SLF1: variants seen among roughly 807,000 people sequenced by gnomAD.
The protein encoded by SLF1 is SMC5/6 complex localization factor 1, also known as SMC5-SMC6 complex localization factor protein 1.
A neutral mutation model predicts 123.0 loss-of-function variants in SLF1; 105 were observed. The ratio of observed to expected loss-of-function variants is 0.85; its 90% CI spans 0.73 to 1.00. SLF1 has a LOEUF of 1.00. SLF1 is among the 50% of genes least tolerant of loss of function. SLF1 has a pLI of 0.00. For synonymous variants in SLF1, 434 were observed against 406.6 expected (o/e 1.07, Z -0.81); for missense variants, 1,239 against 1,223.0 (o/e 1.01, Z -0.20).
chr5:94,635,361 T>G (rs1745648665), intron 4 of SLF1, among the ~76,000 whole-genome samples: 1 of 138,848 alleles, frequency 7.2e-6, no homozygotes, highest in Non-Finnish European at 1.6e-5. Flanking sequence ...TTTTTTTTTT[T>G]GCTTTTTCAA....
chr5:94,689,628 ATTTATGCTAAGAACT>A (rs1752849602), intron 18 of SLF1, 22 bp downstream of exon 18: 1 of 1,589,120 alleles, frequency 6.3e-7, no homozygotes, highest in East Asian at 2.2e-5. Context: ...ATTTAAATTA[ATTTATGCTAAGAACT>A]TTTCATGGTT....
At chr5:94,643,189 T>G (rs1436012091) in intron 4 of SLF1, 84 bp from the exon 5 acceptor site, 10 of 1,117,800 alleles carry the variant, frequency 8.9e-6, no homozygotes, top group Non-Finnish European at 1.2e-5. Context: ...CCATTCGTAC[T>G]CCTAAGAAAT....
At chr5:94,672,362 A>G (rs1396570946) in intron 14 of SLF1, among the ~76,000 whole-genome samples, 2 of 152,038 alleles carry the variant, frequency 1.3e-5, no homozygotes, top group Non-Finnish European at 2.9e-5. Context: ...TCTCTTCTCT[A>G]CGTTTTAAAT....
intron 5 of SLF1, among the ~76,000 whole-genome samples, chr5:94,648,467 A>T (rs528132290): frequency 3.9e-5 from 6 of 152,076 alleles, no homozygotes; most frequent in Non-Finnish European, 8.8e-5. Flanking sequence ...TTGGGTAGAG[A>T]TTGTGAATCT....
At chr5:94,681,131 C>A (rs899406018) in intron 15 of SLF1, among the ~76,000 whole-genome samples, 12 of 151,906 alleles carry the variant, frequency 7.9e-5, no homozygotes, top group Admixed American at 7.9e-4. Context: ...AACATTATTT[C>A]TTTTGTCTTT....
intron 15 of SLF1, among the ~76,000 whole-genome samples, chr5:94,679,373 C>A (rs1751489975): frequency 6.6e-6 from 1 of 152,102 alleles, no homozygotes; most frequent in African/African-American, 2.4e-5. Context: ...GTGGGAGGAT[C>A]TCTTGAGCCC....
At chr5:94,677,731 A>G (rs528252683) in intron 14 of SLF1, among the ~76,000 whole-genome samples, 3 of 152,156 alleles carry the variant, frequency 2.0e-5, no homozygotes, top group Admixed American at 6.5e-5. Context: ...TTATATTTCA[A>G]TCAAAGGTGT....
intron 15 of SLF1, among the ~76,000 whole-genome samples, chr5:94,682,316 C>T (rs1044011132): frequency 4.6e-5 from 7 of 152,084 alleles, no homozygotes; most frequent in African/African-American, 1.7e-4. Flanking sequence ...AATTCATTGT[C>T]TGCCACCTCT....
At chr5:94,690,218 A>G (rs538588084) in intron 18 of SLF1, among the ~76,000 whole-genome samples, 1 of 152,310 alleles carries the variant, frequency 6.6e-6, no homozygotes, top group South Asian at 2.1e-4. Flanking sequence ...GATCTTCCAG[A>G]AGTCTATACC....
At chr5:94,677,335 A>G (rs1751195097) in intron 14 of SLF1, among the ~76,000 whole-genome samples, 1 of 152,212 alleles carries the variant, frequency 6.6e-6, no homozygotes, top group Non-Finnish European at 1.5e-5. Context: ...GATATGTGAA[A>G]AAATCACAAA....
At chr5:94,626,712 G>A (rs1792280439) in intron 1 of SLF1, among the ~76,000 whole-genome samples, 2 of 152,168 alleles carry the variant, frequency 1.3e-5, no homozygotes, top group African/African-American at 4.8e-5. Context: ...GTGCTTCTTA[G>A]TACATAACCT....
At chr5:94,623,371 A>G (rs1197513938) in intron 1 of SLF1, among the ~76,000 whole-genome samples, 1 of 152,140 alleles carries the variant, frequency 6.6e-6, no homozygotes, top group Non-Finnish European at 1.5e-5. Flanking sequence ...ATAAGATTTT[A>G]ATAATTACTA....
At chr5:94,675,631 G>C (rs1750957659) in intron 14 of SLF1, among the ~76,000 whole-genome samples, 1 of 152,060 alleles carries the variant, frequency 6.6e-6, no homozygotes, top group Non-Finnish European at 1.5e-5. Flanking sequence ...TGAGTTGAAA[G>C]TGTCTTTTCA....
rs551740425 is a variant in SLF1, at chr5:94,626,556, A to G, written c.1-2255A>G. ...TTGCCCCTTTTGCAGCCAGTTGAGA[A>G]ATGCAAAAATCAGATAAATTGAGGT... On this transcript the variant is annotated intron_variant, in intron 1 of 20. Transcript: ENST00000265140. 3.4e-3 allele frequency among the ~76,000 whole-genome samples: 521 copies of G among 152,296 alleles called. 2 individuals carry two copies. Among genetic ancestry groups the G allele is most frequent in the African/African-American group, 0.011 (472 of 41,562 alleles).
At chr5:94,636,342 T>A (rs942157551) in intron 4 of SLF1, among the ~76,000 whole-genome samples, 6 of 152,186 alleles carry the variant, frequency 3.9e-5, no homozygotes, top group Non-Finnish European at 7.3e-5. Context: ...ATTTCAGAAG[T>A]TTTCAGCCAT....
intron 1 of SLF1, among the ~76,000 whole-genome samples, chr5:94,623,575 A>T (rs1697221526): frequency 6.6e-6 from 1 of 151,822 alleles, no homozygotes; most frequent in Non-Finnish European, 1.5e-5. Flanking sequence ...AAGATCTATA[A>T]TTTTTCTAAA....
At chr5:94,657,747 T>A (rs1310602231) in intron 9 of SLF1, among the ~76,000 whole-genome samples, 3 of 152,088 alleles carry the variant, frequency 2.0e-5, no homozygotes, top group African/African-American at 4.8e-5. Flanking sequence ...ACATAGATAT[T>A]TAGAATTGTT....
In SLF1 at chr5:94,686,726, CCT is replaced by C. The variant is rs753097401; in HGVS notation, c.2121+13_2121+14del. 2 of 1,607,788 alleles carry C rather than the reference CCT, an allele frequency of 1.2e-6. No individual in the cohort carries two copies. Among genetic ancestry groups the C allele is most frequent in the South Asian group, 2.2e-5 (2 of 89,470 alleles). On this transcript the variant is annotated intron_variant, in intron 16 of 20. Transcript: ENST00000265140. The stretch of plus-strand genomic sequence containing the variant: ...CTCTCTCTTCAGAAAATGGTAAGTA[CCT>C]CTCTATTCTGGTTCTTTACATTTTC...
Position 94,666,022 on chromosome 5 carries a change from C to G in SLF1, c.1530C>G (p.Ile510Met), listed in dbSNP as rs1372141585. ...KGAWSLVEVL[I>M]RSCLFNESFC... ...CATGGTCTTTAGTAGAAGTCCTTATCAGGTAAGGAATTTCACATTTGACGA... is the reference window on the plus strand; with the variant it reads ...CATGGTCTTTAGTAGAAGTCCTTATGAGGTAAGGAATTTCACATTTGACGA... Residue 510 changes from isoleucine (I) to methionine (M), a missense_variant and splice_region_variant, in exon 12 of 21, where the codon ATC becomes ATG. Ile to Met is a conservative substitution (Grantham distance 10). Coordinates refer to ENST00000265140, the MANE Select transcript of SLF1 (RefSeq NM_032290.4). 1.3e-6 allele frequency: 2 copies of G among 1,545,888 alleles called. No homozygotes were observed. Among genetic ancestry groups the G allele is most frequent in the Admixed American group, 4.0e-5 (2 of 50,302 alleles).
Sources: gnomAD v4.1 joint callset for allele counts (sites outside exome capture counted in the v4.1 genomes callset) on GRCh38, gnomAD v4.1.1 for gene constraint, MANE v1.5 for transcripts, NCBI Gene and HGNC (gene_info 2026-07-23, HGNC 2026-07-21) for gene names.